The following TMEM132D variants were observed in gnomAD, a reference collection of about 807,000 sequenced individuals.
TMEM132D encodes the protein mature OL transmembrane protein.
In TMEM132D, 21 loss-of-function variants were observed where a neutral mutation model predicts 62.3. That is an observed-to-expected ratio of 0.34 (90% confidence interval 0.24 to 0.49). TMEM132D has a LOEUF of 0.49. Ranked by LOEUF, TMEM132D falls within the 20% of genes least tolerant of loss-of-function variation. TMEM132D has a pLI of 0.99. For missense variants in TMEM132D, 1,346 were observed against 1,402.8 expected (o/e 0.96, Z 0.65); for synonymous variants, 621 against 575.6 (o/e 1.08, Z -1.13).
chr12:129,625,358 T>A (rs1879186172), intron 2 of TMEM132D, among the ~76,000 whole-genome samples: 1 of 152,242 alleles, frequency 6.6e-6, no homozygotes, highest in South Asian at 2.1e-4. Context: ...AGTGACATTA[T>A]TCTTTTAATC....
intron 2 of TMEM132D, among the ~76,000 whole-genome samples, chr12:129,614,174 G>A (rs1878854989): frequency 6.6e-6 from 1 of 152,232 alleles, no homozygotes; most frequent in Non-Finnish European, 1.5e-5. Flanking sequence ...GAACCCAGGG[G>A]ACTGGCTCCA....
chr12:129,479,062 T>C (rs1014025138), intron 3 of TMEM132D, among the ~76,000 whole-genome samples: 2 of 152,200 alleles, frequency 1.3e-5, no homozygotes, highest in African/African-American at 2.4e-5. Flanking sequence ...CTTTACACTA[T>C]AGTTAGTTGA....
At chr12:129,201,410 G>T (rs1170801491) in intron 5 of TMEM132D, among the ~76,000 whole-genome samples, 1 of 152,182 alleles carries the variant, frequency 6.6e-6, no homozygotes, top group Non-Finnish European at 1.5e-5. Flanking sequence ...TGCTTTTGCT[G>T]CAGAGAGTCC....
chr12:129,344,170 G>T (rs959765632), intron 3 of TMEM132D, among the ~76,000 whole-genome samples: 5 of 152,116 alleles, frequency 3.3e-5, no homozygotes, highest in Non-Finnish European at 5.9e-5. Flanking sequence ...TTGCACTGTG[G>T]ACTCGCCCTG....
At chr12:129,701,165 C>T (rs1381098703) in intron 1 of TMEM132D, among the ~76,000 whole-genome samples, 1 of 152,162 alleles carries the variant, frequency 6.6e-6, no homozygotes, top group Admixed American at 6.5e-5. Context: ...ATTGATGCCA[C>T]GTCCACATTC....
chr12:129,286,905 G>A (rs1214437805), intron 4 of TMEM132D, among the ~76,000 whole-genome samples: 4 of 152,092 alleles, frequency 2.6e-5, no homozygotes, highest in South Asian at 2.1e-4. Flanking sequence ...AAAATTAGTC[G>A]GGCGTGGTGG....
rs59917538 is a variant in TMEM132D at position 129,719,954 on chromosome 12, G to A, written c.80-19256C>T. Among the ~76,000 whole-genome samples the A allele has an allele frequency of 5.9e-3, 896 of 151,996 alleles. 9 individuals carry two copies. Among genetic ancestry groups the A allele is most frequent in the African/African-American group, 0.021 (854 of 41,392 alleles). Reference sequence around the variant, plus strand: ...CATTCAAATTTTATGAGTGATCTGGGTGCCTTATTCCGCTTTAAAATAAAA... The same window carrying A: ...CATTCAAATTTTATGAGTGATCTGGATGCCTTATTCCGCTTTAAAATAAAA... On this transcript the variant is annotated intron_variant, in intron 1 of 8. Coordinates refer to ENST00000422113, the MANE Select transcript of TMEM132D (RefSeq NM_133448.3).
At chr12:129,426,257 A>G (rs1872493319) in intron 3 of TMEM132D, among the ~76,000 whole-genome samples, 1 of 152,080 alleles carries the variant, frequency 6.6e-6, no homozygotes, top group Non-Finnish European at 1.5e-5. Flanking sequence ...CCCTGCCAAT[A>G]TTTAGGAAGG....
intron 2 of TMEM132D, among the ~76,000 whole-genome samples, chr12:129,589,291 G>A (rs117096895): frequency 2.0e-5 from 3 of 152,082 alleles, no homozygotes; most frequent in African/African-American, 7.2e-5. Flanking sequence ...ATTCTCCGTT[G>A]TCTGCTACCA....
chr12:129,694,023 C>T lies in TMEM132D; in HGVS notation c.968+5787G>A, dbSNP rs538795933. 2.0e-5 allele frequency among the ~76,000 whole-genome samples: 3 copies of T among 152,340 alleles called. No homozygotes were observed. The South Asian group carries it at 6.2e-4, about 32-fold the overall frequency. On this transcript the variant is annotated intron_variant, in intron 2 of 8. Transcript: ENST00000422113. ...CCTTAGGAGCAGCCTGCCTTGAATCCTCTCTCTGGTGTACTATCTATACTA... is the reference window on the plus strand; with the variant it reads ...CCTTAGGAGCAGCCTGCCTTGAATCTTCTCTCTGGTGTACTATCTATACTA...
intron 3 of TMEM132D, among the ~76,000 whole-genome samples, chr12:129,443,576 C>T (rs758869387): frequency 6.6e-6 from 1 of 152,140 alleles, no homozygotes; most frequent in African/African-American, 2.4e-5. Flanking sequence ...GGCTCTCCCC[C>T]TTCTCCCTTC....
intron 2 of TMEM132D, among the ~76,000 whole-genome samples, chr12:129,658,218 C>T (rs1160015175): frequency 2.0e-5 from 3 of 152,018 alleles, no homozygotes; most frequent in Non-Finnish European, 4.4e-5. Context: ...TCCAGTAAAC[C>T]CCTGGTTGGT....
intron 3 of TMEM132D, among the ~76,000 whole-genome samples, chr12:129,519,680 C>T (rs1195620296): frequency 2.0e-5 from 3 of 151,450 alleles, no homozygotes; most frequent in Non-Finnish European, 4.4e-5. Context: ...GCAATCTCGG[C>T]TCACTGCAAC....
At chr12:129,731,291 C>T (rs1311493967) in intron 1 of TMEM132D, among the ~76,000 whole-genome samples, 1 of 152,018 alleles carries the variant, frequency 6.6e-6, no homozygotes, top group Non-Finnish European at 1.5e-5. Flanking sequence ...ACTGCCCTCT[C>T]GAAACATACT....
intron 2 of TMEM132D, among the ~76,000 whole-genome samples, chr12:129,662,717 T>C (rs1880271442): frequency 7.4e-6 from 1 of 135,822 alleles, no homozygotes; most frequent in Non-Finnish European, 1.5e-5. Flanking sequence ...CGCTTGAACC[T>C]GGGAGACGGA....
chr12:129,441,826 C>G (rs10847876), intron 3 of TMEM132D, among the ~76,000 whole-genome samples: 1 of 152,092 alleles, frequency 6.6e-6, no homozygotes, highest in African/African-American at 2.4e-5. Flanking sequence ...ATGAAATCAT[C>G]GCCTTTGCAG....
At chr12:129,207,569 G>A (rs1346681358) in intron 5 of TMEM132D, among the ~76,000 whole-genome samples, 1 of 152,148 alleles carries the variant, frequency 6.6e-6, no homozygotes, top group Non-Finnish European at 1.5e-5. Context: ...GAGAGTTAAA[G>A]GCAGAGGGAG....
intron 4 of TMEM132D, among the ~76,000 whole-genome samples, chr12:129,219,551 C>T (rs868105416): frequency 1.2e-4 from 19 of 152,254 alleles, no homozygotes; most frequent in African/African-American, 4.6e-4. Flanking sequence ...TCAGTTGCTC[C>T]CATGCAAGGA....
intron 4 of TMEM132D, among the ~76,000 whole-genome samples, chr12:129,219,422 G>T (rs1879295216): frequency 6.6e-6 from 1 of 152,166 alleles, no homozygotes; most frequent in Admixed American, 6.5e-5. Flanking sequence ...AGCAGTGTGA[G>T]AACAGACTAA....
Sources: allele counts gnomAD v4.1 joint callset (sites outside exome capture counted in the v4.1 genomes callset), GRCh38; gene constraint gnomAD v4.1.1; transcripts MANE v1.5; gene names NCBI Gene and HGNC (gene_info 2026-07-23, HGNC 2026-07-21).